NUP188: variants seen among roughly 807,000 people sequenced by gnomAD.
The protein encoded by NUP188 is nucleoporin NUP188.
Under a neutral mutation model 223.0 loss-of-function variants are expected in NUP188, and 97 were observed. That is an observed-to-expected ratio of 0.43 (90% confidence interval 0.37 to 0.51). The LOEUF is 0.51. NUP188 is among the 20% of genes least tolerant of loss of function. The pLI, the probability that NUP188 is intolerant of heterozygous loss-of-function variation, is 0.00. For missense variants in NUP188, 1,947 were observed against 2,175.6 expected, an observed-to-expected ratio of 0.89 and a Z score of 2.09; for synonymous variants, 869 against 828.0, an observed-to-expected ratio of 1.05 and a Z score of -0.85.
chr9:128,998,503 C>T, intron 31 of NUP188, 35 bp from the exon 32 acceptor site: 1 of 1,578,620 alleles, frequency 6.3e-7, no homozygotes, highest in East Asian at 2.2e-5. Flanking sequence ...CGAATCTTTC[C>T]ACTGACTTCT....
intron 17 of NUP188, 107 bp from the exon 18 acceptor site, chr9:128,983,186 A>G: frequency 3.6e-6 from 5 of 1,386,274 alleles, no homozygotes; most frequent in South Asian, 1.2e-5. Flanking sequence ...CTGTTTTTAT[A>G]TGTCTGCTGA....
chr9:129,001,608 G>A lies in NUP188; in HGVS notation c.3923G>A (p.Arg1308His), dbSNP rs201365348. 54 of 1,613,842 alleles carry A rather than the reference G, an allele frequency of 3.3e-5. No individual in the cohort carries two copies. In the East Asian group the frequency reaches 5.8e-4, roughly 17 times the overall value. The change falls in exon 35 of 44, where the codon CGC becomes CAC. Residue 1308 changes from arginine to histidine, a missense_variant. Around this residue, in one of 3 missense-constraint regions of NUP188, gnomAD observed 905 missense variants for 990.6 expected, o/e 0.91. Transcript: ENST00000372577. ...EDGDSWLQVT[R>H]RLPILPTLLT... The stretch of plus-strand genomic sequence containing the variant: ...GGTGACTCCTGGCTGCAGGTAACCC[G>A]CAGGCTCCCCATCCTACCCACCCTC...
intron 38 of NUP188, chr9:129,004,860 A>G: frequency 4.1e-6 from 2 of 484,456 alleles, no homozygotes; most frequent in Non-Finnish European, 7.4e-6. Flanking sequence ...GGTCTCAGGG[A>G]GACAGTCCAG....
chr9:129,005,875 C>A, intron 41 of NUP188, 99 bp downstream of exon 41: 1 of 1,468,806 alleles, frequency 6.8e-7, no homozygotes, highest in South Asian at 1.3e-5. Flanking sequence ...GGTACCTAGC[C>A]TCCCAAGCCT....
At chr9:128,948,402 T>A (rs1367125017) in intron 1 of NUP188, 2 of 152,176 alleles carry the variant, frequency 1.3e-5, no homozygotes, top group Non-Finnish European at 2.9e-5. Context: ...AAACTACAAT[T>A]CTGACAAAGT....
At chr9:128,966,280 GTGTGTGTT>G (rs1842029746) in intron 8 of NUP188, among the ~76,000 whole-genome samples, 1 of 151,270 alleles carries the variant, frequency 6.6e-6, no homozygotes, top group South Asian at 2.1e-4. Flanking sequence ...GTGTGTGTGT[GTGTGTGTT>G]TGTGTGTGTG....
chr9:128,995,461 T>C lies in NUP188; in HGVS notation c.3298T>C (p.Tyr1100His), dbSNP rs544802008. 2 of 1,612,496 alleles carry C rather than the reference T, an allele frequency of 1.2e-6. No individual in the cohort carries two copies. The highest frequency in any genetic ancestry group is 2.2e-5 in the South Asian group (2 of 90,890). ...CAGCAGCTGCACCTCCTTGTTAGAG[T>C]ACCAGATGCTGGTGTCCGCCTGGAG... is the stretch of plus-strand genomic sequence containing the variant. ...EGSSCTSLLE[Y>H]QMLVSAWRML... is the part of the protein sequence containing the mutation. Residue 1100 changes from tyrosine (Y) to histidine (H), a missense_variant, in exon 30 of 44, where the codon TAC becomes CAC. Tyr to His is a moderately conservative substitution (Grantham distance 83). This residue lies in a region of NUP188 where 905 missense variants were observed against 990.6 expected (regional missense o/e 0.91). Transcript: ENST00000372577.
At chr9:128,951,237 G>A (rs1841780095) in intron 2 of NUP188, among the ~76,000 whole-genome samples, 1 of 150,858 alleles carries the variant, frequency 6.6e-6, no homozygotes, top group Non-Finnish European at 1.5e-5. Context: ...GAACCCGGAA[G>A]TGGAGGTTGC....
chr9:128,995,185 C>A, intron 29 of NUP188, 134 bp from the exon 30 acceptor site: 3 of 701,510 alleles, frequency 4.3e-6, no homozygotes, highest in East Asian at 5.1e-5. Context: ...CTAACCCACA[C>A]GTTGGAGGTG....
chr9:128,959,242 A>G (rs1480474838), intron 8 of NUP188, 108 bp downstream of exon 8: 5 of 785,158 alleles, frequency 6.4e-6, no homozygotes, highest in Non-Finnish European at 9.2e-6. Flanking sequence ...TGCAACCTCC[A>G]TCTCCTGGTT....
At chr9:128,988,648 G>A (rs1419261023) in intron 24 of NUP188, among the ~76,000 whole-genome samples, 1 of 147,428 alleles carries the variant, frequency 6.8e-6, no homozygotes, top group Admixed American at 6.8e-5. Flanking sequence ...AATCCAAAAT[G>A]TTCCAGTGAG....
At chr9:128,999,849 G>A (rs759477876) in intron 34 of NUP188, 44 bp downstream of exon 34, 43 of 1,575,044 alleles carry the variant, frequency 2.7e-5, no homozygotes, top group Non-Finnish European at 3.7e-5. Context: ...TCCACTGCCC[G>A]CCAGCTCTGT....
At chr9:128,963,971 C>T (rs1016203059) in intron 8 of NUP188, among the ~76,000 whole-genome samples, 2 of 152,012 alleles carry the variant, frequency 1.3e-5, no homozygotes, top group African/African-American at 4.8e-5. Context: ...CATGCCACCA[C>T]GTCCGGCTAA....
rs1842494300 is a variant in NUP188, at chr9:128,994,900, C to G, written c.3132C>G (p.Cys1044Trp). Residue 1044 changes from cysteine to tryptophan, a missense_variant, in exon 29 of 44, where the codon TGC becomes TGG. By Grantham distance (215) the Cys-to-Trp change is radical. Coordinates refer to ENST00000372577, the MANE Select transcript of NUP188 (RefSeq NM_015354.3). ...ETCALIMKII[C>W]LEIYYVVKGS... ...GTGCCCTAATCATGAAGATAATTTG[C>G]TTGGAGATATACTATGTAGTAAAGT... is the stretch of plus-strand genomic sequence containing the variant. The G allele has an allele frequency of 8.7e-6, 14 of 1,613,316 alleles. No homozygotes were observed. The highest frequency in any genetic ancestry group is 1.3e-5 in the African/African-American group (1 of 74,890).
At chr9:128,971,479 C>T (rs1842103639) in intron 11 of NUP188, among the ~76,000 whole-genome samples, 1 of 151,664 alleles carries the variant, frequency 6.6e-6, no homozygotes, top group East Asian at 2.0e-4. Flanking sequence ...AGTGCAGTGG[C>T]ACGATCTTGG....
intron 12 of NUP188, among the ~76,000 whole-genome samples, 192 bp downstream of exon 12, chr9:128,973,441 G>A (rs1842129920): frequency 6.6e-6 from 1 of 151,946 alleles, no homozygotes; most frequent in Non-Finnish European, 1.5e-5. Flanking sequence ...GGAGTGTGGT[G>A]GCACGATCTT....
intron 3 of NUP188, among the ~76,000 whole-genome samples, chr9:128,955,199 T>A (rs1047532147): frequency 6.6e-6 from 1 of 152,044 alleles, no homozygotes; most frequent in Non-Finnish European, 1.5e-5. Context: ...GCTGTCCACA[T>A]GAAATCACTG....
rs138744242 is a variant in NUP188 at position 128,999,751 on chromosome 9, C to G, written c.3789C>G (p.Asp1263Glu). Reference sequence around the variant, plus strand: ...TAGGCAGTGCCACAGAGGACAAGGACAGCATGGAGACTGACGACTGTTCTC... The same window carrying G: ...TAGGCAGTGCCACAGAGGACAAGGAGAGCATGGAGACTGACGACTGTTCTC... The part of the protein sequence containing the change: ...LALGSATEDK[D>E]SMETDDCSRS... The change falls in exon 34 of 44, where the codon GAC (aspartate) becomes GAG (glutamate). Residue 1263 changes from aspartate (D) to glutamate (E), a missense_variant. Around this residue, in one of 3 missense-constraint regions of NUP188, gnomAD observed 905 missense variants for 990.6 expected, o/e 0.91. Transcript: ENST00000372577. 2 of 1,614,232 alleles carry G rather than the reference C, an allele frequency of 1.2e-6. No homozygotes were observed. Among genetic ancestry groups the G allele is most frequent in the Non-Finnish European group, 1.7e-6 (2 of 1,180,048 alleles).
intron 9 of NUP188, 61 bp from the exon 10 acceptor site, chr9:128,969,339 T>G: frequency 1.9e-6 from 2 of 1,056,660 alleles, no homozygotes; most frequent in Non-Finnish European, 2.9e-6. Context: ...ATATCTCACC[T>G]TTGTCTCTAG....
Sources: allele counts gnomAD v4.1 joint callset (sites outside exome capture counted in the v4.1 genomes callset), GRCh38; gene constraint gnomAD v4.1.1; regional missense constraint gnomAD v4.1.1; transcripts MANE v1.5; gene names NCBI Gene and HGNC (gene_info 2026-07-23, HGNC 2026-07-21).